The following CSMD1 variants were observed in gnomAD, a reference collection of about 807,000 sequenced individuals.
CSMD1 encodes the protein CUB and sushi domain-containing protein 1.
CSMD1 carries 213 observed loss-of-function variants against 417.5 expected under a neutral mutation model. The ratio of observed to expected loss-of-function variants is 0.51; its 90% confidence interval spans 0.46 to 0.57. The LOEUF is 0.57. Ranked by LOEUF, CSMD1 falls within the 20% of genes least tolerant of loss-of-function variation. CSMD1 has a pLI of 0.00. For missense variants in CSMD1, 6,923 were observed against 4,529.7 expected, an observed-to-expected ratio of 1.53 and a Z score of -15.17; for synonymous variants, 2,862 against 1,736.8, an observed-to-expected ratio of 1.65 and a Z score of -16.11.
intron 26 of CSMD1, among the ~76,000 whole-genome samples, chr8:3,262,846 G>C (rs1016111822): frequency 6.6e-6 from 1 of 152,164 alleles, no homozygotes; most frequent in Admixed American, 6.5e-5. Flanking sequence ...CTACAAAAAT[G>C]TATGTAATAG....
intron 11 of CSMD1, among the ~76,000 whole-genome samples, chr8:3,470,548 G>T (rs1817026629): frequency 6.6e-6 from 1 of 151,996 alleles, no homozygotes; most frequent in African/African-American, 2.4e-5. Context: ...GTACATTTGT[G>T]CATGTAGCTC....
intron 18 of CSMD1, among the ~76,000 whole-genome samples, chr8:3,382,265 C>A (rs1393813462): frequency 6.6e-6 from 1 of 150,516 alleles, no homozygotes. Flanking sequence ...TATTTGCATT[C>A]TTCTGATTCC....
At chr8:4,617,553 C>T (rs945081357) in intron 2 of CSMD1, among the ~76,000 whole-genome samples, 3 of 152,150 alleles carry the variant, frequency 2.0e-5, no homozygotes, top group Non-Finnish European at 4.4e-5. Flanking sequence ...CTGATTCCAT[C>T]ATGGTGGCGC....
intron 3 of CSMD1, among the ~76,000 whole-genome samples, chr8:4,051,777 G>A (rs1351580791): frequency 1.3e-5 from 2 of 152,176 alleles, no homozygotes; most frequent in Non-Finnish European, 2.9e-5. Flanking sequence ...GGCTCCCAGT[G>A]TCCCAGGTGT....
At chr8:3,399,153 T>C (rs1237676666) in intron 16 of CSMD1, among the ~76,000 whole-genome samples, 1 of 152,184 alleles carries the variant, frequency 6.6e-6, no homozygotes, top group Non-Finnish European at 1.5e-5. Flanking sequence ...ACCTCGGGAA[T>C]GGTCCTCCAG....
At chr8:3,297,973 A>G (rs1163765310) in intron 25 of CSMD1, among the ~76,000 whole-genome samples, 5 of 152,212 alleles carry the variant, frequency 3.3e-5, no homozygotes, top group Non-Finnish European at 7.3e-5. Flanking sequence ...GGATATTCAA[A>G]AGGCCAATAA....
At chr8:3,130,630 C>G (rs906598504) in intron 41 of CSMD1, among the ~76,000 whole-genome samples, 1 of 152,148 alleles carries the variant, frequency 6.6e-6, no homozygotes, top group Non-Finnish European at 1.5e-5. Context: ...TTGTTCCTTT[C>G]TCTTCTCTCA....
At chr8:3,329,688 C>T (rs1021650738) in intron 23 of CSMD1, among the ~76,000 whole-genome samples, 1 of 152,158 alleles carries the variant, frequency 6.6e-6, no homozygotes, top group African/African-American at 2.4e-5. Flanking sequence ...AAGAGTTGCC[C>T]AGCCCCGGGG....
At chr8:4,038,421 A>T (rs999089997) in intron 3 of CSMD1, among the ~76,000 whole-genome samples, 2 of 152,326 alleles carry the variant, frequency 1.3e-5, no homozygotes, top group Non-Finnish European at 2.9e-5. Flanking sequence ...AAGATTCAAG[A>T]CACACACAGA....
In CSMD1 at chr8:3,252,107, T is replaced by C. The variant is rs149503360; in HGVS notation, c.4154-21876A>G. Among the ~76,000 whole-genome samples, 271 of 152,170 alleles carry C rather than the reference T, an allele frequency of 1.8e-3. 8 individuals carry two copies. The East Asian group carries it at 0.036, about 20-fold the overall frequency. ...GAACTTCCAACACTATGTTGAATAGTAGTGGTGAGAGAGCGCATCCCTGTC... is the reference window on the plus strand; with the variant it reads ...GAACTTCCAACACTATGTTGAATAGCAGTGGTGAGAGAGCGCATCCCTGTC... On this transcript the variant is annotated intron_variant, in intron 26 of 69. Transcript: ENST00000635120.
intron 11 of CSMD1, among the ~76,000 whole-genome samples, chr8:3,491,952 C>A (rs141423164): frequency 1.3e-5 from 2 of 152,128 alleles, no homozygotes; most frequent in African/African-American, 4.8e-5. Flanking sequence ...TTGCTCACAG[C>A]CCAGAGGTCC....
intron 5 of CSMD1, among the ~76,000 whole-genome samples, chr8:3,796,567 C>T (rs1178942695): frequency 7.0e-6 from 1 of 143,142 alleles, no homozygotes; most frequent in African/African-American, 2.5e-5. Flanking sequence ...AGATATATAT[C>T]TATATCTAAG....
intron 3 of CSMD1, among the ~76,000 whole-genome samples, chr8:4,088,603 C>T (rs768918058): frequency 4.5e-4 from 69 of 152,166 alleles, no homozygotes; most frequent in Non-Finnish European, 8.4e-4. Flanking sequence ...TGTATTCTCT[C>T]TCTCTCCCCT....
intron 5 of CSMD1, among the ~76,000 whole-genome samples, chr8:3,922,743 C>A (rs1024096933): frequency 6.6e-6 from 1 of 151,714 alleles, no homozygotes; most frequent in East Asian, 1.9e-4. Context: ...ATTTATTAAC[C>A]AATTATTGTA....
intron 26 of CSMD1, among the ~76,000 whole-genome samples, chr8:3,265,840 G>A (rs189700312): frequency 1.3e-5 from 2 of 152,168 alleles, no homozygotes; most frequent in Non-Finnish European, 2.9e-5. Context: ...AGACCTGGGT[G>A]ATGCAGTAGC....
intron 5 of CSMD1, among the ~76,000 whole-genome samples, chr8:3,966,812 G>T (rs1455218963): frequency 2.6e-5 from 4 of 152,020 alleles, no homozygotes; most frequent in Admixed American, 6.6e-5. Context: ...AAGAAATAAT[G>T]TATTTTCTAT....
chr8:4,098,451 C>T (rs1391899994), intron 3 of CSMD1, among the ~76,000 whole-genome samples: 2 of 151,842 alleles, frequency 1.3e-5, no homozygotes, highest in African/African-American at 2.4e-5. Context: ...ATGCATCAGA[C>T]ACATATTGTT....
At chr8:3,816,632 T>C (rs990877234) in intron 5 of CSMD1, among the ~76,000 whole-genome samples, 2 of 152,144 alleles carry the variant, frequency 1.3e-5, no homozygotes, top group Middle Eastern at 6.3e-3. Context: ...AAGAGAATAA[T>C]TTGGATGTTT....
chr8:3,849,979 C>T (rs917285650), intron 5 of CSMD1, among the ~76,000 whole-genome samples: 1 of 145,946 alleles, frequency 6.9e-6, no homozygotes, highest in Non-Finnish European at 1.5e-5. Flanking sequence ...CCATGCTCGG[C>T]TAATTTGTGT....
Sources: gnomAD v4.1 joint callset for allele counts (sites outside exome capture counted in the v4.1 genomes callset) on GRCh38, gnomAD v4.1.1 for gene constraint, MANE v1.5 for transcripts, NCBI Gene and HGNC (gene_info 2026-07-23, HGNC 2026-07-21) for gene names.